EEF2K: variants seen among roughly 807,000 people sequenced by gnomAD.
The protein encoded by EEF2K is eukaryotic elongation factor 2 kinase, also known as alternative protein EEF2K.
Under a neutral mutation model 93.8 loss-of-function variants are expected in EEF2K, and 70 were observed. The observed-to-expected ratio is 0.75, with a 90% confidence interval of 0.62 to 0.91. EEF2K has a LOEUF of 0.91. Among genes scored for constraint, EEF2K ranks in the 40% least tolerant of loss-of-function variants. The probability of loss-of-function intolerance (pLI) is 0.00; values close to 1 mark genes in which losing one functional copy is unlikely to be tolerated. For missense variants in EEF2K, 935 were observed against 972.9 expected, an observed-to-expected ratio of 0.96 and a Z score of 0.52; for synonymous variants, 376 against 380.8, an observed-to-expected ratio of 0.99 and a Z score of 0.15.
At chr16:22,267,185 C>A (rs1054015155) in intron 15 of EEF2K, among the ~76,000 whole-genome samples, 2 of 152,066 alleles carry the variant, frequency 1.3e-5, no homozygotes, top group East Asian at 3.9e-4. Flanking sequence ...GTAACTGGGG[C>A]CTGGAGGGGT....
intron 12 of EEF2K, 45 bp downstream of exon 12, chr16:22,263,232 G>A (rs2047484171): frequency 1.3e-6 from 2 of 1,560,792 alleles, no homozygotes. Flanking sequence ...CTGTTGCCTT[G>A]TTTATCCTCC....
intron 6 of EEF2K, among the ~76,000 whole-genome samples, chr16:22,256,396 C>A (rs1163883880): frequency 6.6e-6 from 1 of 151,900 alleles, no homozygotes; most frequent in Non-Finnish European, 1.5e-5. Flanking sequence ...CCATGCCCAG[C>A]CTTAATTTTT....
At chr16:22,232,737 G>A (rs889888885) in intron 2 of EEF2K, among the ~76,000 whole-genome samples, 1 of 152,162 alleles carries the variant, frequency 6.6e-6, no homozygotes, top group African/African-American at 2.4e-5. Context: ...ACTGTGTGTG[G>A]ACGGGAGTTG....
intron 15 of EEF2K, among the ~76,000 whole-genome samples, chr16:22,267,728 A>G (rs1478160952): frequency 1.3e-5 from 2 of 152,150 alleles, no homozygotes; most frequent in South Asian, 4.1e-4. Context: ...GGTGAGAGAC[A>G]AGGTGCACCC....
At chr16:22,208,016 TATTA>T (rs1190514667) in intron 1 of EEF2K, among the ~76,000 whole-genome samples, 2 of 152,242 alleles carry the variant, frequency 1.3e-5, no homozygotes, top group Admixed American at 6.5e-5. Context: ...TTTGTTCAGC[TATTA>T]ATTCAACAAC....
intron 1 of EEF2K, among the ~76,000 whole-genome samples, chr16:22,209,005 G>A (rs2046890649): frequency 6.6e-6 from 1 of 152,166 alleles, no homozygotes; most frequent in African/African-American, 2.4e-5. Context: ...AAGGCCTAGA[G>A]GAGGGCAGAG....
At chr16:22,209,984 T>TG (rs1408046546) in intron 1 of EEF2K, among the ~76,000 whole-genome samples, 1 of 152,124 alleles carries the variant, frequency 6.6e-6, no homozygotes, top group African/African-American at 2.4e-5. Context: ...AGTGTAGAGA[T>TG]GGGGTCTCAC....
intron 2 of EEF2K, among the ~76,000 whole-genome samples, chr16:22,236,688 C>T (rs764310642): frequency 8.6e-5 from 13 of 151,788 alleles, no homozygotes; most frequent in South Asian, 2.1e-4. Flanking sequence ...TAACATCCCA[C>T]GTGCCAAAAC....
intron 16 of EEF2K, among the ~76,000 whole-genome samples, chr16:22,277,165 C>T (rs548430668): frequency 5.4e-4 from 82 of 152,262 alleles, no homozygotes; most frequent in South Asian, 1.2e-3. Context: ...GAGACACAAT[C>T]TTGCTCTGTC....
At chr16:22,245,247 G>A (rs1023399760) in intron 3 of EEF2K, among the ~76,000 whole-genome samples, 6 of 152,098 alleles carry the variant, frequency 3.9e-5, no homozygotes, top group Admixed American at 6.6e-5. Flanking sequence ...CAACCTGGGC[G>A]TCAGAGTAAC....
In EEF2K at chr16:22,279,682, G is replaced by A. The variant is rs139079610; in HGVS notation, c.1890-516G>A. Among the ~76,000 whole-genome samples, 37 of 152,066 alleles carry A rather than the reference G, an allele frequency of 2.4e-4. No homozygotes were observed. The East Asian group carries it at 6.6e-3, about 27-fold the overall frequency. On this transcript the variant is annotated intron_variant, in intron 16 of 17. Transcript: ENST00000263026. ...GAGACACGGTCTCTCTACGTTGCCT[G>A]GGCTGGTCAACTGCTCTCTTAATAA...
At chr16:22,226,525 T>TTTTTTTTTTTTTTTTTTTTTTTTTC (rs2047066504) in intron 2 of EEF2K, among the ~76,000 whole-genome samples, 1 of 145,590 alleles carries the variant, frequency 6.9e-6, no homozygotes. Flanking sequence ...TTCTTTTTTT[T>TTTTTTTTTTTTTTTTTTTTTTTTTC]TTTTTTTATA....
chr16:22,224,449 A>T lies in EEF2K; in HGVS notation c.-76-1205A>T, dbSNP rs144265155. 4.6e-3 allele frequency among the ~76,000 whole-genome samples: 686 copies of T among 149,814 alleles called. 2 individuals are homozygous for T. The highest frequency in any genetic ancestry group is 0.014 in the Middle Eastern group (4 of 278). ...AGATTGAGACCAGTCTGGGCAACAT[A>T]GGGAGACCCTGTTTTTACAAAAAAC... On this transcript the variant is annotated intron_variant, in intron 1 of 17. Transcript: ENST00000263026.
chr16:22,275,153 C>T (rs948035599), intron 16 of EEF2K, among the ~76,000 whole-genome samples: 14 of 152,142 alleles, frequency 9.2e-5, no homozygotes, highest in East Asian at 5.8e-4. Context: ...ATGCATGGGG[C>T]GGGGCCTGGA....
chr16:22,279,037 T>C (rs1833337707), intron 16 of EEF2K, among the ~76,000 whole-genome samples: 1 of 151,984 alleles, frequency 6.6e-6, no homozygotes, highest in African/African-American at 2.4e-5. Context: ...CCGCCCCCAA[T>C]CCACTTCTCT....
At chr16:22,248,039 GTATTTATTTT>G (rs2047312589) in intron 3 of EEF2K, among the ~76,000 whole-genome samples, 1 of 142,028 alleles carries the variant, frequency 7.0e-6, no homozygotes, top group East Asian at 2.7e-4. Context: ...TTTTATGTAT[GTATTTATTTT>G]TATTTTTATT....
At chr16:22,258,070 T>C (rs913787255) in intron 9 of EEF2K, among the ~76,000 whole-genome samples, 1 of 151,822 alleles carries the variant, frequency 6.6e-6, no homozygotes, top group Non-Finnish European at 1.5e-5. Flanking sequence ...GTGTGTGTGT[T>C]TGTGTGATGT....
At chr16:22,282,189 C>A (rs746514921) in intron 17 of EEF2K, among the ~76,000 whole-genome samples, 3 of 152,146 alleles carry the variant, frequency 2.0e-5, no homozygotes, top group Non-Finnish European at 2.9e-5. Context: ...CAGAGTGAGA[C>A]CCTGTCTCAA....
chr16:22,225,118 A>G (rs4783446), intron 1 of EEF2K, among the ~76,000 whole-genome samples: 13,609 of 152,178 alleles, frequency 0.089, 908 homozygotes, highest in East Asian at 0.28. Flanking sequence ...GAAAGAACCC[A>G]CTGTTAGAAA....
Sources: gnomAD v4.1 joint callset for allele counts (sites outside exome capture counted in the v4.1 genomes callset) on GRCh38, gnomAD v4.1.1 for gene constraint, MANE v1.5 for transcripts, NCBI Gene and HGNC (gene_info 2026-07-23, HGNC 2026-07-21) for gene names.